The following NLGN1 variants were observed in gnomAD, a reference collection of about 807,000 sequenced individuals.
The protein encoded by NLGN1 is neuroligin-1.
NLGN1 carries 12 observed loss-of-function variants against 65.5 expected under a neutral mutation model. The ratio of observed to expected loss-of-function variants is 0.18; its 90% confidence interval spans 0.12 to 0.30. The LOEUF is 0.30. Ranked by LOEUF, NLGN1 falls within the 10% of genes least tolerant of loss-of-function variation. NLGN1 has a pLI of 1.00. For synonymous variants in NLGN1, 350 were observed against 359.5 expected, an observed-to-expected ratio of 0.97 and a Z score of 0.30; for missense variants, 750 against 1,007.1, an observed-to-expected ratio of 0.74 and a Z score of 3.46.
At chr3:173,511,453 A>G (rs1430551259) in intron 2 of NLGN1, among the ~76,000 whole-genome samples, 9 of 152,164 alleles carry the variant, frequency 5.9e-5, no homozygotes, top group Non-Finnish European at 4.4e-5. Flanking sequence ...GTCGATTTAG[A>G]CAAAGGTATA....
At chr3:173,474,425 AATATCT>A (rs1251970526) in intron 2 of NLGN1, among the ~76,000 whole-genome samples, 1 of 152,200 alleles carries the variant, frequency 6.6e-6, no homozygotes, top group Non-Finnish European at 1.5e-5. Flanking sequence ...ATTTCTTAAG[AATATCT>A]ATATCTATAT....
At position 173,637,478 on chromosome 3, in the gene NLGN1, CTT is replaced by C. The variant is rs369021104; in HGVS notation, c.493+32388_493+32389del. The stretch of plus-strand genomic sequence containing the variant: ...CTTTCATATAAGCTTTTTATATTCT[CTT>C]GTTCTAGTTACTGTAAAATGCTGAA... On this transcript the variant is annotated intron_variant, in intron 3 of 6. Transcript: ENST00000457714. 2.9e-3 allele frequency among the ~76,000 whole-genome samples: 438 copies of C among 152,146 alleles called. 1 individual carries two copies. Among genetic ancestry groups the C allele is most frequent in the African/African-American group, 0.01 (424 of 41,528 alleles).
chr3:173,590,738 A>G (rs1212600410), intron 2 of NLGN1, among the ~76,000 whole-genome samples: 1 of 152,188 alleles, frequency 6.6e-6, no homozygotes, highest in African/African-American at 2.4e-5. Flanking sequence ...TTGAATTGAC[A>G]AATAATTTTA....
chr3:173,509,980 G>A (rs1266524174), intron 2 of NLGN1, among the ~76,000 whole-genome samples: 1 of 152,186 alleles, frequency 6.6e-6, no homozygotes, highest in Non-Finnish European at 1.5e-5. Context: ...CATGGAGTAT[G>A]CTTCAGTGCA....
intron 4 of NLGN1, among the ~76,000 whole-genome samples, chr3:174,066,564 C>CTGTGTGTGTGTG (rs761468491): frequency 5.7e-4 from 57 of 100,092 alleles, no homozygotes; most frequent in East Asian, 1.0e-3. Flanking sequence ...CTCTCTCTCT[C>CTGTGTGTGTGTG]TGTGTGTGTG....
intron 1 of NLGN1, among the ~76,000 whole-genome samples, chr3:173,419,956 A>G (rs1228190256): frequency 6.6e-6 from 1 of 150,444 alleles, no homozygotes; most frequent in East Asian, 1.9e-4. Context: ...CTGGCGACAC[A>G]GAGAGACTCA....
At chr3:173,928,191 T>C (rs147330920) in intron 4 of NLGN1, among the ~76,000 whole-genome samples, 163 of 152,326 alleles carry the variant, frequency 1.1e-3, no homozygotes, top group African/African-American at 3.7e-3. Flanking sequence ...GTGTTATTTA[T>C]ATATGGAAAC....
At chr3:174,275,625 G>GTGTT (rs1376206239) in intron 5 of NLGN1, 98 bp downstream of exon 5, 10 of 723,144 alleles carry the variant, frequency 1.4e-5, no homozygotes, top group South Asian at 3.4e-5. Context: ...TTCAAACTGA[G>GTGTT]TGTTAGGTTG....
intron 3 of NLGN1, among the ~76,000 whole-genome samples, chr3:173,758,494 A>G (rs1474687616): frequency 6.6e-6 from 1 of 152,090 alleles, no homozygotes; most frequent in African/African-American, 2.4e-5. Flanking sequence ...ATCCCAATCC[A>G]TCTGATCTTG....
chr3:174,161,488 A>G (rs1192471890), intron 4 of NLGN1, among the ~76,000 whole-genome samples: 2 of 151,880 alleles, frequency 1.3e-5, no homozygotes, highest in African/African-American at 4.8e-5. Context: ...AAAGCTAATC[A>G]CTGAGACAAC....
At chr3:173,768,249 A>G (rs113508439) in intron 3 of NLGN1, among the ~76,000 whole-genome samples, 10 of 152,290 alleles carry the variant, frequency 6.6e-5, no homozygotes, top group African/African-American at 2.2e-4. Context: ...TTTAGAGAAT[A>G]CCTAATTCCT....
chr3:174,060,781 T>G (rs1380223209), intron 4 of NLGN1, among the ~76,000 whole-genome samples: 1 of 152,076 alleles, frequency 6.6e-6, no homozygotes, highest in East Asian at 1.9e-4. Context: ...GTTGGCTTCT[T>G]GAGCTAACAT....
At chr3:173,785,024 A>C (rs953182169) in intron 3 of NLGN1, among the ~76,000 whole-genome samples, 4 of 152,206 alleles carry the variant, frequency 2.6e-5, no homozygotes, top group Admixed American at 2.6e-4. Context: ...CAGAGGCAGA[A>C]ATGACATTTA....
intron 4 of NLGN1, among the ~76,000 whole-genome samples, chr3:174,029,302 C>G (rs1117619): frequency 0.3 from 45,407 of 152,138 alleles, 7,508 homozygotes; most frequent in African/African-American, 0.44. Flanking sequence ...TCTCTTGCAT[C>G]AGTGTGACCT....
At chr3:174,154,936 T>A (rs1035905034) in intron 4 of NLGN1, among the ~76,000 whole-genome samples, 3 of 91,648 alleles carry the variant, frequency 3.3e-5, no homozygotes, top group Non-Finnish European at 6.0e-5. Context: ...TAATTTATAT[T>A]TTATATATAA....
chr3:173,936,189 T>C (rs908275805), intron 4 of NLGN1, among the ~76,000 whole-genome samples: 2 of 151,970 alleles, frequency 1.3e-5, no homozygotes, highest in African/African-American at 4.8e-5. Flanking sequence ...ATTGTGTTTA[T>C]ATGTTTCAAA....
intron 3 of NLGN1, among the ~76,000 whole-genome samples, chr3:173,721,538 A>G (rs1463720467): frequency 1.3e-5 from 2 of 152,208 alleles, no homozygotes; most frequent in Non-Finnish European, 1.5e-5. Context: ...TAATAGTAAC[A>G]CTAATTATAA....
chr3:173,899,434 G>A (rs1736930452), intron 4 of NLGN1, among the ~76,000 whole-genome samples: 1 of 151,922 alleles, frequency 6.6e-6, no homozygotes, highest in Non-Finnish European at 1.5e-5. Context: ...ATAAACCTTG[G>A]CAATTTTTTA....
At chr3:173,914,248 T>C (rs569608617) in intron 4 of NLGN1, among the ~76,000 whole-genome samples, 2 of 152,282 alleles carry the variant, frequency 1.3e-5, no homozygotes, top group South Asian at 2.1e-4. Context: ...GAAATCATTA[T>C]TGAATCTGAA....
Sources: allele counts gnomAD v4.1 joint callset (sites outside exome capture counted in the v4.1 genomes callset), GRCh38; gene constraint gnomAD v4.1.1; transcripts MANE v1.5; gene names NCBI Gene and HGNC (gene_info 2026-07-23, HGNC 2026-07-21).